The following REC114 variants were observed in gnomAD, a reference collection of about 807,000 sequenced individuals.
REC114 encodes meiotic recombination protein REC114.
In REC114, 27 loss-of-function variants were observed where a neutral mutation model predicts 31.3. That is an observed-to-expected ratio of 0.86 (90% CI 0.64 to 1.19). The LOEUF is 1.19. Ranked by LOEUF, REC114 falls within the 50% of genes most tolerant of loss-of-function variation. The pLI is 0.00. For synonymous variants in REC114, 134 were observed against 127.7 expected, an observed-to-expected ratio of 1.05 and a Z score of -0.33; for missense variants, 344 against 326.9, an observed-to-expected ratio of 1.05 and a Z score of -0.40.
chr15:73,526,289 G>A (rs1201509704), intron 2 of REC114, among the ~76,000 whole-genome samples: 1 of 152,056 alleles, frequency 6.6e-6, no homozygotes, highest in Non-Finnish European at 1.5e-5. Context: ...TCTTTTCAGG[G>A]TTTAGACCCT....
intron 1 of REC114, among the ~76,000 whole-genome samples, chr15:73,453,553 C>G (rs1892879931): frequency 6.6e-6 from 1 of 152,162 alleles, no homozygotes; most frequent in South Asian, 2.1e-4. Context: ...TTGTGGAAGA[C>G]AGTGTGGCAA....
intron 2 of REC114, among the ~76,000 whole-genome samples, chr15:73,524,560 GCC>G (rs945671886): frequency 1.3e-5 from 2 of 152,238 alleles, no homozygotes; most frequent in Admixed American, 1.3e-4. Flanking sequence ...AAACTCTTGT[GCC>G]CAGATGAACT....
intron 2 of REC114, among the ~76,000 whole-genome samples, chr15:73,514,666 G>A (rs1231387448): frequency 6.6e-6 from 1 of 151,978 alleles, no homozygotes; most frequent in Non-Finnish European, 1.5e-5. Context: ...TATATGATAG[G>A]CATTAAAAAT....
chr15:73,478,349 C>A (rs1003905419), intron 2 of REC114, among the ~76,000 whole-genome samples: 1 of 148,424 alleles, frequency 6.7e-6, no homozygotes, highest in Non-Finnish European at 1.5e-5. Flanking sequence ...ATTGAAAAGA[C>A]TAGCTTTCTC....
At chr15:73,559,699 C>G (rs999921144) in intron 5 of REC114, 53 bp from the exon 6 acceptor site, 23 of 1,444,584 alleles carry the variant, frequency 1.6e-5, no homozygotes, top group Non-Finnish European at 2.1e-5. Flanking sequence ...GTTCTATTAG[C>G]CAGGTATTGC....
At position 73,496,351 on chromosome 15, in the gene REC114, C is replaced by CAAAAA. The variant is rs539098846; in HGVS notation, c.249+22453_249+22457dup. On this transcript the variant is annotated intron_variant, in intron 2 of 5. Coordinates refer to ENST00000331090, the MANE Select transcript of REC114 (RefSeq NM_001042367.2). The stretch of plus-strand genomic sequence containing the variant: ...CTGGTGACAGAGCAAGACTCCTTCT[C>CAAAAA]AAAAAAAAAAAAAAAAAAAAAAAAA... Among the ~76,000 whole-genome samples the CAAAAA allele has an allele frequency of 3.4e-4, 7 of 20,502 alleles. 1 individual carries two copies. The highest frequency in any genetic ancestry group is 6.0e-4 in the African/African-American group (4 of 6,716). 13.5% of individuals were successfully genotyped at this position (20,502 alleles called of 152,430 possible). A position where few individuals can be genotyped will look rare whatever the true frequency, so the allele number is the denominator to read the frequency against.
At chr15:73,507,044 T>C (rs1298133185) in intron 2 of REC114, among the ~76,000 whole-genome samples, 1 of 152,076 alleles carries the variant, frequency 6.6e-6, no homozygotes, top group African/African-American at 2.4e-5. Context: ...TTCAAAACTT[T>C]CTGCATGGAA....
At chr15:73,459,344 C>T (rs1228389994) in intron 1 of REC114, among the ~76,000 whole-genome samples, 2 of 151,790 alleles carry the variant, frequency 1.3e-5, no homozygotes, top group Admixed American at 6.6e-5. Context: ...ATTCTCCTGC[C>T]CCAGCCTCCT....
At chr15:73,458,735 G>A (rs1331576461) in intron 1 of REC114, among the ~76,000 whole-genome samples, 1 of 152,172 alleles carries the variant, frequency 6.6e-6, no homozygotes, top group African/African-American at 2.4e-5. Flanking sequence ...TATGATTGCT[G>A]TCTCTTAAGG....
At chr15:73,544,360 A>G (rs967154422) in intron 3 of REC114, among the ~76,000 whole-genome samples, 7 of 152,220 alleles carry the variant, frequency 4.6e-5, no homozygotes, top group Admixed American at 2.0e-4. Flanking sequence ...GTTTTCAAGT[A>G]TTATGCCAAA....
intron 2 of REC114, among the ~76,000 whole-genome samples, chr15:73,532,680 A>G (rs1275300228): frequency 6.6e-6 from 1 of 152,192 alleles, no homozygotes; most frequent in Non-Finnish European, 1.5e-5. Flanking sequence ...CAGGAAATAC[A>G]GAGAATGCCA....
At chr15:73,447,791 C>G (rs1480792268) in intron 1 of REC114, among the ~76,000 whole-genome samples, 2 of 152,170 alleles carry the variant, frequency 1.3e-5, no homozygotes, top group Admixed American at 6.5e-5. Context: ...AACTGAGGTA[C>G]CTGGTTCATC....
chr15:73,446,295 A>G (rs1892763953), intron 1 of REC114, among the ~76,000 whole-genome samples: 1 of 152,160 alleles, frequency 6.6e-6, no homozygotes, highest in Non-Finnish European at 1.5e-5. Context: ...ACATGCATAC[A>G]TGTTTGTGTA....
chr15:73,548,457 G>GA (rs1894342042), intron 3 of REC114, among the ~76,000 whole-genome samples: 1 of 151,850 alleles, frequency 6.6e-6, no homozygotes, highest in Non-Finnish European at 1.5e-5. Flanking sequence ...ACAACTATAT[G>GA]AAAAAAAGCT....
At chr15:73,545,535 T>A (rs1261680279) in intron 3 of REC114, among the ~76,000 whole-genome samples, 3 of 152,214 alleles carry the variant, frequency 2.0e-5, no homozygotes, top group African/African-American at 7.2e-5. Flanking sequence ...TCCACATGCA[T>A]TGAAGTGGTA....
chr15:73,447,284 A>G (rs768040952), intron 1 of REC114, among the ~76,000 whole-genome samples: 2 of 152,216 alleles, frequency 1.3e-5, no homozygotes, highest in Non-Finnish European at 2.9e-5. Context: ...TGGGCTAGAG[A>G]TGTAAAGGTG....
intron 2 of REC114, among the ~76,000 whole-genome samples, chr15:73,478,449 A>G (rs1014291617): frequency 6.6e-6 from 1 of 152,006 alleles, no homozygotes; most frequent in African/African-American, 2.4e-5. Flanking sequence ...CTGTTGATCT[A>G]TATGTCTATC....
intron 1 of REC114, among the ~76,000 whole-genome samples, chr15:73,462,001 G>A (rs562863048): frequency 8.4e-4 from 120 of 143,438 alleles, no homozygotes; most frequent in African/African-American, 2.8e-3. Context: ...GTGCGATCTC[G>A]GCTCACTGCA....
intron 2 of REC114, among the ~76,000 whole-genome samples, chr15:73,509,072 G>C (rs1893725130): frequency 6.6e-6 from 1 of 152,010 alleles, no homozygotes; most frequent in African/African-American, 2.4e-5. Flanking sequence ...CAGTGTAAAA[G>C]TGTTCCCGTT....
Sources: gnomAD v4.1 joint callset for allele counts (sites outside exome capture counted in the v4.1 genomes callset) on GRCh38, gnomAD v4.1.1 for gene constraint, MANE v1.5 for transcripts, NCBI Gene and HGNC (gene_info 2026-07-23, HGNC 2026-07-21) for gene names.